ECT2L: variants seen among roughly 807,000 people sequenced by gnomAD.
The protein encoded by ECT2L is epithelial cell-transforming sequence 2 oncogene-like.
A neutral mutation model predicts 122.8 loss-of-function variants in ECT2L; 126 were observed. The observed-to-expected ratio is 1.03, with a 90% CI of 0.89 to 1.19. ECT2L has a LOEUF of 1.19. Ranked by LOEUF, ECT2L falls within the 50% of genes most tolerant of loss-of-function variation. The pLI, the probability that ECT2L is intolerant of heterozygous loss-of-function variation, is 0.00. For missense variants in ECT2L, 1,012 were observed against 1,064.1 expected (o/e 0.95, Z 0.68); for synonymous variants, 385 against 381.8 (o/e 1.01, Z -0.10).
At chr6:138,861,384 G>A (rs1777826708) in intron 10 of ECT2L, among the ~76,000 whole-genome samples, 1 of 152,182 alleles carries the variant, frequency 6.6e-6, no homozygotes, top group Non-Finnish European at 1.5e-5. Flanking sequence ...AGCCTCGCCA[G>A]CATCTGTTGT....
At chr6:138,836,911 C>T (rs978622656) in intron 4 of ECT2L, among the ~76,000 whole-genome samples, 16 of 151,988 alleles carry the variant, frequency 1.1e-4, no homozygotes, top group Admixed American at 8.5e-4. Context: ...TTTCTGGTGT[C>T]AAAATGTTCC....
intron 13 of ECT2L, among the ~76,000 whole-genome samples, chr6:138,876,150 C>A (rs1778443134): frequency 6.6e-6 from 1 of 151,974 alleles, no homozygotes; most frequent in Admixed American, 6.6e-5. Flanking sequence ...AAGTCTGTTA[C>A]CCAGGAATGT....
intron 20 of ECT2L, among the ~76,000 whole-genome samples, chr6:138,892,006 C>T (rs1779047121): frequency 6.6e-6 from 1 of 152,142 alleles, no homozygotes; most frequent in African/African-American, 2.4e-5. Flanking sequence ...GTAAAATCTC[C>T]AGTCATTATT....
intron 4 of ECT2L, among the ~76,000 whole-genome samples, chr6:138,837,015 GA>G (rs1249587913): frequency 6.6e-6 from 1 of 152,048 alleles, no homozygotes; most frequent in African/African-American, 2.4e-5. Context: ...ACGGAATTGA[GA>G]AACCAAGATC....
At chr6:138,850,659 C>T (rs1023288516) in intron 9 of ECT2L, among the ~76,000 whole-genome samples, 8 of 152,212 alleles carry the variant, frequency 5.3e-5, no homozygotes, top group Admixed American at 2.6e-4. Flanking sequence ...TGGATATATA[C>T]CCAGAAATGG....
intron 20 of ECT2L, among the ~76,000 whole-genome samples, chr6:138,895,088 G>A (rs183647989): frequency 2.0e-5 from 3 of 152,074 alleles, no homozygotes; most frequent in Admixed American, 6.6e-5. Context: ...GTTGGACCCC[G>A]TCTCTACAGG....
At chr6:138,832,131 TACTC>T (rs1462915186) in intron 4 of ECT2L, among the ~76,000 whole-genome samples, 1 of 152,160 alleles carries the variant, frequency 6.6e-6, no homozygotes, top group Non-Finnish European at 1.5e-5. Context: ...TTATCCAACT[TACTC>T]AGTTTTCTCT....
At chr6:138,896,087 GC>G (rs1779199385) in intron 20 of ECT2L, among the ~76,000 whole-genome samples, 1 of 125,396 alleles carries the variant, frequency 8.0e-6, no homozygotes, top group African/African-American at 4.2e-5. Context: ...GATTTTCATT[GC>G]TGAATTTTTT....
intron 4 of ECT2L, among the ~76,000 whole-genome samples, chr6:138,836,869 G>A (rs1270325839): frequency 6.6e-6 from 1 of 151,812 alleles, no homozygotes; most frequent in African/African-American, 2.4e-5. Flanking sequence ...TATTCTTTTG[G>A]TATGTCCATG....
chr6:138,835,433 C>T (rs1776799267), intron 4 of ECT2L, among the ~76,000 whole-genome samples: 1 of 151,728 alleles, frequency 6.6e-6, no homozygotes, highest in Non-Finnish European at 1.5e-5. Context: ...TGCCTGGAGT[C>T]CCCAGCAATT....
chr6:138,808,006 T>A (rs960343717), intron 1 of ECT2L, among the ~76,000 whole-genome samples: 2 of 152,180 alleles, frequency 1.3e-5, no homozygotes, highest in South Asian at 4.1e-4. Flanking sequence ...CTTGACCCTT[T>A]GCATTTTCAT....
intron 20 of ECT2L, among the ~76,000 whole-genome samples, chr6:138,889,380 G>A (rs552092969): frequency 5.3e-5 from 8 of 151,720 alleles, no homozygotes; most frequent in Non-Finnish European, 1.2e-4. Flanking sequence ...AGGCTGGAGT[G>A]CAGTGGCGCA....
At position 138,825,534 on chromosome 6, in the gene ECT2L, G is replaced by T. The variant is rs11961617; in HGVS notation, c.179+10931G>T. Reference sequence around the variant, plus strand: ...GGAGGCAGAGGTCACAGTGAGCTGAGATCGTGCAATTGCACTCCAGCCTGG... The same window carrying T: ...GGAGGCAGAGGTCACAGTGAGCTGATATCGTGCAATTGCACTCCAGCCTGG... On this transcript the variant is annotated intron_variant, in intron 4 of 21. Coordinates refer to ENST00000541398, the MANE Select transcript of ECT2L (RefSeq NM_001077706.3). Among the ~76,000 whole-genome samples, 256 of 152,240 alleles carry T rather than the reference G, an allele frequency of 1.7e-3. 1 individual carries two copies. Among genetic ancestry groups the T allele is most frequent in the African/African-American group, 5.8e-3 (241 of 41,516 alleles).
At chr6:138,812,999 T>G in intron 2 of ECT2L, 22 bp downstream of exon 2, 1 of 310,048 alleles carries the variant, frequency 3.2e-6, no homozygotes. Context: ...ATAATTGCAA[T>G]GATTTGAAGT....
At chr6:138,871,273 T>A (rs1025134217) in intron 13 of ECT2L, among the ~76,000 whole-genome samples, 1 of 152,196 alleles carries the variant, frequency 6.6e-6, no homozygotes, top group African/African-American at 2.4e-5. Context: ...AGGCGTAGGA[T>A]GGCAGTCCCT....
chr6:138,886,842 CTTT>C lies in ECT2L; in HGVS notation c.2260-10_2260-8del. The C allele has an allele frequency of 6.2e-7, 1 of 1,608,176 alleles. No homozygotes were observed. The highest frequency in any genetic ancestry group is 1.1e-5 in the South Asian group (1 of 90,558). The stretch of plus-strand genomic sequence containing the variant: ...CACAATTTTAGTTTGCCTAAAAGTA[CTTT>C]TTTTCCCCTAGATGAAGCAAAACAT... On this transcript the variant is annotated splice_polypyrimidine_tract_variant and intron_variant, in intron 18 of 21. Transcript: ENST00000541398.
At position 138,888,756 on chromosome 6, in the gene ECT2L, TTTTC is replaced by T. The variant is rs560338133; in HGVS notation, c.2326-183_2326-180del. ...ATTACTTTTTTCCCCTTAAATATAG[TTTTC>T]TTTGTCAATACTGTGGTCTTTCTAA... On this transcript the variant is annotated intron_variant, in intron 19 of 21. Transcript: ENST00000541398. Among the ~76,000 whole-genome samples the T allele has an allele frequency of 3.1e-3, 477 of 152,310 alleles. 1 individual carries two copies. The highest frequency in any genetic ancestry group is 5.4e-3 in the Admixed American group (83 of 15,296).
At chr6:138,900,559 G>A (rs1487098752) in intron 20 of ECT2L, among the ~76,000 whole-genome samples, 2 of 152,074 alleles carry the variant, frequency 1.3e-5, no homozygotes, top group African/African-American at 4.8e-5. Flanking sequence ...TATCCTTAAA[G>A]GTGAAACAAA....
chr6:138,822,291 C>T (rs1032177110), intron 4 of ECT2L, among the ~76,000 whole-genome samples: 3 of 152,188 alleles, frequency 2.0e-5, no homozygotes, highest in East Asian at 1.9e-4. Context: ...GTGGCTCACG[C>T]GCCTGTAAGC....
Sources: allele counts gnomAD v4.1 joint callset (sites outside exome capture counted in the v4.1 genomes callset), GRCh38; gene constraint gnomAD v4.1.1; transcripts MANE v1.5; gene names NCBI Gene and HGNC (gene_info 2026-07-23, HGNC 2026-07-21).